FAS: variants seen among roughly 807,000 people sequenced by gnomAD.
The protein encoded by FAS is tumor necrosis factor receptor superfamily member 6.
In FAS, 5 loss-of-function variants were observed where a neutral mutation model predicts 33.2. The observed-to-expected ratio is 0.15, with a 90% CI of 0.08 to 0.32. The LOEUF (loss-of-function observed/expected upper bound fraction) is 0.32. FAS is among the 10% of genes least tolerant of loss of function. The pLI is 1.00. For missense variants in FAS, 339 were observed against 386.0 expected (o/e 0.88, Z 1.02); for synonymous variants, 131 against 130.7 (o/e 1.00, Z -0.01).
At chr10:88,987,567 T>C (rs1168841175), upstream of FAS, among the ~76,000 whole-genome samples, 1 of 152,260 alleles carries the variant, frequency 6.6e-6, no homozygotes, top group Non-Finnish European at 1.5e-5. Flanking sequence ...CAGTTTCACA[T>C]CTCACATATT....
chr10:89,009,217 C>T (rs1014123268), intron 4 of FAS, among the ~76,000 whole-genome samples: 1 of 152,162 alleles, frequency 6.6e-6, no homozygotes, highest in Non-Finnish European at 1.5e-5. Context: ...CAGACATATG[C>T]CTGGCATCAA....
rs1848671288 is a variant in FAS at position 89,014,203 on chromosome 10, T to C, written c.761T>C (p.Val254Ala). The change falls in exon 9 of 9, where the codon GTC (valine) becomes GCC (alanine). Residue 254 changes from valine to alanine, a missense_variant. By Grantham distance (64) the Val-to-Ala change is moderately conservative (BLOSUM62 0). Around this residue, in one of 3 missense-constraint regions of FAS, gnomAD observed 276 missense variants for 300.1 expected, o/e 0.92. Transcript: ENST00000652046. The part of the protein sequence containing the change: ...QVKGFVRKNG[V>A]NEAKIDEIKN... ...AAAGGCTTTGTTCGAAAGAATGGTG[T>C]CAATGAAGCCAAAATAGATGAGATC... 6.2e-7 allele frequency: 1 copy of C among 1,613,902 alleles called. No homozygotes were observed. Among genetic ancestry groups the C allele is most frequent in the Non-Finnish European group, 8.5e-7 (1 of 1,179,928 alleles).
At chr10:88,998,451 A>G (rs1847732731) in intron 1 of FAS, among the ~76,000 whole-genome samples, 1 of 152,084 alleles carries the variant, frequency 6.6e-6, no homozygotes, top group Non-Finnish European at 1.5e-5. Context: ...AGTTGTATAT[A>G]CCAAATTTCC....
chr10:88,975,370 G>T (rs1280782990), intron 2 of FAS, among the ~76,000 whole-genome samples: 3 of 152,152 alleles, frequency 2.0e-5, no homozygotes, highest in African/African-American at 7.2e-5. Flanking sequence ...AGTTGAGAAG[G>T]ACAATAGTAC....
At chr10:88,976,100 T>C (rs1472305830) in intron 2 of FAS, among the ~76,000 whole-genome samples, 1 of 152,164 alleles carries the variant, frequency 6.6e-6, no homozygotes, top group African/African-American at 2.4e-5. Context: ...TAATGTGTAA[T>C]ACAGGGGTGT....
chr10:89,001,097 C>T (rs1366438060), intron 1 of FAS, among the ~76,000 whole-genome samples: 1 of 152,084 alleles, frequency 6.6e-6, no homozygotes, highest in Admixed American at 6.6e-5. Context: ...AAGTAAAACC[C>T]TCTTCACTGT....
intron 1 of FAS, among the ~76,000 whole-genome samples, chr10:88,994,827 AATTT>A (rs1313065170): frequency 6.6e-6 from 1 of 151,008 alleles, no homozygotes; most frequent in East Asian, 1.9e-4. Flanking sequence ...TTTATTTTTT[AATTT>A]ATTACTTATT....
chr10:88,990,086 T>C (rs1195428970), upstream of FAS, among the ~76,000 whole-genome samples: 1 of 152,218 alleles, frequency 6.6e-6, no homozygotes, highest in Non-Finnish European at 1.5e-5. The surrounding 1 kb of genome is among the most constrained non-coding windows in gnomAD (Gnocchi z 4.9). Flanking sequence ...GGCTATGCGA[T>C]TTGGCTTAAG....
intron 2 of FAS, chr10:88,975,145 T>C (rs1376662671): frequency 7.9e-6 from 1 of 127,140 alleles, no homozygotes; most frequent in Non-Finnish European, 1.8e-5. Flanking sequence ...CAGAATGCTG[T>C]CAACGATTAA....
chr10:89,002,375 C>A (rs1482050282), intron 1 of FAS, among the ~76,000 whole-genome samples: 1 of 152,170 alleles, frequency 6.6e-6, no homozygotes, highest in African/African-American at 2.4e-5. Flanking sequence ...TGGCCCTTCT[C>A]ATAATACTGT....
chr10:88,966,863 G>A (rs1300184316), intron 1 of FAS, among the ~76,000 whole-genome samples: 1 of 152,172 alleles, frequency 6.6e-6, no homozygotes, highest in Non-Finnish European at 1.5e-5. Context: ...TTAGGTGTCA[G>A]GTGGTGTTTA....
At chr10:88,985,746 C>T (rs955210511), upstream of FAS, among the ~76,000 whole-genome samples, 2 of 152,186 alleles carry the variant, frequency 1.3e-5, no homozygotes, top group African/African-American at 4.8e-5. Flanking sequence ...CCAGTCACCT[C>T]CCTTCCAGGC....
chr10:89,007,653 C>T (rs774053789), intron 2 of FAS, 47 bp from the exon 3 acceptor site: 9 of 1,573,058 alleles, frequency 5.7e-6, no homozygotes, highest in Non-Finnish European at 7.8e-6. Flanking sequence ...CACCCTGTTA[C>T]CTGCCCGTGT....
rs985613917 is a variant in FAS at position 89,016,857 on chromosome 10, G to A, written c.*2407G>A. The A allele has an allele frequency of 4.9e-6, 1 of 204,612 alleles. No homozygotes were observed. Among genetic ancestry groups the A allele is most frequent in the African/African-American group, 2.3e-5 (1 of 43,746 alleles). 12.7% of individuals were successfully genotyped at this position (204,612 alleles called of 1,614,324 possible). ...TATTGGCATGCCCACAGGGTCTTCT[G>A]ACCTCTGATTAGATCAGACACTTTT... On this transcript the variant is annotated 3_prime_UTR_variant, in exon 9 of 9. Coordinates refer to ENST00000652046, the MANE Select transcript of FAS (RefSeq NM_000043.6).
intron 2 of FAS, among the ~76,000 whole-genome samples, chr10:89,007,257 T>A (rs1320772034): frequency 6.6e-6 from 1 of 152,236 alleles, no homozygotes; most frequent in African/African-American, 2.4e-5. Context: ...TTATCAGGAT[T>A]TGTGGACTTT....
At chr10:88,986,111 T>C (rs1846873562), upstream of FAS, among the ~76,000 whole-genome samples, 1 of 152,204 alleles carries the variant, frequency 6.6e-6, no homozygotes, top group Non-Finnish European at 1.5e-5. Flanking sequence ...ATTTAGTATA[T>C]ACAAGTAGAC....
Position 89,015,498 on chromosome 10 carries a change from C to G in FAS, c.*1048C>G. Reference sequence around the variant, plus strand: ...AGCTTATACATAGCAATGGTAAAATCATCATCTGGATTTAGGAATTGCTCT... The same window carrying G: ...AGCTTATACATAGCAATGGTAAAATGATCATCTGGATTTAGGAATTGCTCT... On this transcript the variant is annotated 3_prime_UTR_variant, in exon 9 of 9. Transcript: ENST00000652046. 1.9e-6 allele frequency: 1 copy of G among 534,208 alleles called. No homozygotes were observed. The highest frequency in any genetic ancestry group is 1.5e-5 in the South Asian group (1 of 65,124). 33.1% of individuals were successfully genotyped at this position (534,208 alleles called of 1,614,324 possible).
In FAS at chr10:89,002,003, G is replaced by A. The variant is rs913070994; in HGVS notation, c.31-1026G>A. Among the ~76,000 whole-genome samples, 5 of 152,280 alleles carry A rather than the reference G, an allele frequency of 3.3e-5. No individual in the cohort carries two copies. The East Asian group carries it at 5.8e-4, about 18-fold the overall frequency. On this transcript the variant is annotated intron_variant, in intron 1 of 8. Transcript: ENST00000652046. ...CAAGTTTTGCCTTCCCCGCCAGCAA[G>A]AGCCCTGGCTTTAGGGGTCTTGCTA...
At chr10:88,995,050 A>G (rs1467141649) in intron 1 of FAS, among the ~76,000 whole-genome samples, 1 of 151,872 alleles carries the variant, frequency 6.6e-6, no homozygotes, top group African/African-American at 2.4e-5. Context: ...AAGGTACAAC[A>G]CTACAATAGC....
Sources: gnomAD v4.1 joint callset for allele counts (sites outside exome capture counted in the v4.1 genomes callset) on GRCh38, gnomAD v4.1.1 for gene constraint, gnomAD v4.1.1 regional missense constraint, Gnocchi (gnomAD v3.1) non-coding constraint, MANE v1.5 for transcripts, NCBI Gene and HGNC (gene_info 2026-07-23, HGNC 2026-07-21) for gene names.